TSPAN5: variants seen among roughly 807,000 people sequenced by gnomAD.
TSPAN5 encodes the protein tetraspanin-5.
In TSPAN5, 10 loss-of-function variants were observed where a neutral mutation model predicts 37.1. The ratio of observed to expected loss-of-function variants is 0.27; its 90% CI spans 0.17 to 0.46. The LOEUF is 0.46. TSPAN5 is among the 20% of genes least tolerant of loss of function. The probability of loss-of-function intolerance (pLI) is 1.00; values close to 1 mark genes in which losing one functional copy is unlikely to be tolerated. For synonymous variants in TSPAN5, 110 were observed against 118.9 expected, an observed-to-expected ratio of 0.93 and a Z score of 0.48; for missense variants, 195 against 326.6, an observed-to-expected ratio of 0.60 and a Z score of 3.11.
chr4:98,611,721 G>A (rs754994511), intron 1 of TSPAN5, among the ~76,000 whole-genome samples: 9 of 152,234 alleles, frequency 5.9e-5, no homozygotes, highest in Non-Finnish European at 1.0e-4. Flanking sequence ...AAGAATGTGC[G>A]ACCCAGAAGT....
intron 1 of TSPAN5, among the ~76,000 whole-genome samples, chr4:98,619,605 A>G (rs1756434702): frequency 6.6e-6 from 1 of 152,248 alleles, no homozygotes; most frequent in Non-Finnish European, 1.5e-5. Flanking sequence ...TGCCTATTTA[A>G]AAAGGCAGAA....
intron 1 of TSPAN5, among the ~76,000 whole-genome samples, chr4:98,616,108 T>C (rs1579032458): frequency 6.6e-6 from 1 of 152,108 alleles, no homozygotes; most frequent in East Asian, 1.9e-4. Context: ...GCTTGTCCTT[T>C]TCCCTCACTA....
intron 1 of TSPAN5, among the ~76,000 whole-genome samples, chr4:98,568,931 G>A (rs1755063309): frequency 6.6e-6 from 1 of 152,200 alleles, no homozygotes; most frequent in Non-Finnish European, 1.5e-5. Flanking sequence ...AATATGTAGT[G>A]AGAAAGGGCC....
intron 1 of TSPAN5, among the ~76,000 whole-genome samples, chr4:98,568,072 C>T (rs1333227756): frequency 6.6e-6 from 1 of 152,142 alleles, no homozygotes; most frequent in Non-Finnish European, 1.5e-5. Context: ...ATCACCTACG[C>T]AGAATCTTGC....
intron 1 of TSPAN5, among the ~76,000 whole-genome samples, chr4:98,635,325 A>C (rs1474084904): frequency 6.6e-6 from 1 of 152,190 alleles, no homozygotes; most frequent in African/African-American, 2.4e-5. Context: ...CCTCTAACTG[A>C]CTTAGCACCA....
intron 1 of TSPAN5, among the ~76,000 whole-genome samples, chr4:98,566,668 GC>G (rs1755011262): frequency 6.6e-6 from 1 of 152,186 alleles, no homozygotes; most frequent in Non-Finnish European, 1.5e-5. Flanking sequence ...GTTGTAAGAG[GC>G]TTTTACACTG....
chr4:98,618,268 A>G (rs1756391782), intron 1 of TSPAN5, among the ~76,000 whole-genome samples: 1 of 152,232 alleles, frequency 6.6e-6, no homozygotes, highest in South Asian at 2.1e-4. Flanking sequence ...TTTCAAAAAA[A>G]AAAAGTCACC....
At chr4:98,473,310 C>T (rs1026380693) in intron 7 of TSPAN5, among the ~76,000 whole-genome samples, 1 of 152,176 alleles carries the variant, frequency 6.6e-6, no homozygotes, top group East Asian at 1.9e-4. Context: ...ATGAGGGTTT[C>T]GTTTTCTCCA....
intron 1 of TSPAN5, among the ~76,000 whole-genome samples, chr4:98,568,890 A>G (rs1182113353): frequency 6.6e-6 from 1 of 152,248 alleles, no homozygotes; most frequent in Non-Finnish European, 1.5e-5. Context: ...AGATAGTCAA[A>G]GAGAACAGCA....
intron 5 of TSPAN5, among the ~76,000 whole-genome samples, 180 bp from the exon 6 acceptor site, chr4:98,476,640 A>G (rs1318675608): frequency 6.6e-6 from 1 of 152,232 alleles, no homozygotes; most frequent in Non-Finnish European, 1.5e-5. Context: ...GACAATCTTC[A>G]GAAGTAGGTA....
chr4:98,635,996 T>C (rs7686325), intron 1 of TSPAN5, among the ~76,000 whole-genome samples: 37,111 of 152,110 alleles, frequency 0.24, 4,893 homozygotes, highest in South Asian at 0.43. Flanking sequence ...GTAACAATAA[T>C]AGCAGCAGCA....
chr4:98,507,259 T>TA (rs1211997331), intron 2 of TSPAN5, among the ~76,000 whole-genome samples: 9 of 151,896 alleles, frequency 5.9e-5, no homozygotes, highest in Non-Finnish European at 7.4e-5. Context: ...CATAACACAC[T>TA]AAAAAAAATC....
At chr4:98,555,979 ACACACACGTGCG>A (rs1754735418) in intron 1 of TSPAN5, among the ~76,000 whole-genome samples, 2 of 120,938 alleles carry the variant, frequency 1.7e-5, no homozygotes, top group Non-Finnish European at 3.2e-5. Flanking sequence ...ACGCGCGCGC[ACACACACGTGCG>A]TGCGCACACA....
intron 3 of TSPAN5, chr4:98,482,420 G>C (rs1162031863): frequency 6.4e-5 from 21 of 328,226 alleles, no homozygotes; most frequent in Non-Finnish European, 5.5e-6. Context: ...AACCAACAAA[G>C]CCCATAAGCA....
intron 1 of TSPAN5, among the ~76,000 whole-genome samples, chr4:98,636,643 A>G (rs947481185): frequency 6.6e-6 from 1 of 152,202 alleles, no homozygotes; most frequent in African/African-American, 2.4e-5. Context: ...GTGCACTTAA[A>G]TAACACCTTG....
chr4:98,483,049 C>T (rs978677690), intron 3 of TSPAN5: 2 of 152,346 alleles, frequency 1.3e-5, no homozygotes, highest in South Asian at 2.1e-4. Context: ...TTACTGCTCA[C>T]GCCCACTGTT....
chr4:98,501,619 A>G (rs901722591), intron 2 of TSPAN5, among the ~76,000 whole-genome samples: 1 of 152,200 alleles, frequency 6.6e-6, no homozygotes. Flanking sequence ...TCTGGGGAAG[A>G]GCATGCCAGT....
At chr4:98,556,937 ATT>A (rs1343569952) in intron 1 of TSPAN5, among the ~76,000 whole-genome samples, 1 of 152,230 alleles carries the variant, frequency 6.6e-6, no homozygotes, top group Non-Finnish European at 1.5e-5. Context: ...TTCAAAATAA[ATT>A]TGTTAAAAAT....
chr4:98,646,613 A>G (rs1391237611), intron 1 of TSPAN5, among the ~76,000 whole-genome samples: 1 of 152,210 alleles, frequency 6.6e-6, no homozygotes, highest in African/African-American at 2.4e-5. Flanking sequence ...AAACAATAGA[A>G]GCGAATTCAT....
Sources: allele counts gnomAD v4.1 joint callset (sites outside exome capture counted in the v4.1 genomes callset), GRCh38; gene constraint gnomAD v4.1.1; transcripts MANE v1.5; gene names NCBI Gene and HGNC (gene_info 2026-07-23, HGNC 2026-07-21).